Variants in HOOK2 observed in about 807,000 individuals in gnomAD.
HOOK2 encodes protein Hook homolog 2.
In HOOK2, 108 loss-of-function variants were observed where a neutral mutation model predicts 111.9. The ratio of observed to expected loss-of-function variants is 0.96; its 90% CI spans 0.83 to 1.13. The LOEUF is 1.13. Ranked by LOEUF, HOOK2 falls within the 50% of genes most tolerant of loss-of-function variation. The probability of loss-of-function intolerance (pLI) is 0.00; values close to 1 mark genes in which losing one functional copy is unlikely to be tolerated. For missense variants in HOOK2, 978 were observed against 951.3 expected (o/e 1.03, Z -0.37); for synonymous variants, 405 against 394.3 (o/e 1.03, Z -0.32).
chr19:12,777,747 C>G (rs1386297966), upstream of HOOK2, among the ~76,000 whole-genome samples: 9 of 152,250 alleles, frequency 5.9e-5, no homozygotes. Context: ...CCAGGGGGCG[C>G]GGAGACCGCA....
chr19:12,764,497 T>G, intron 20 of HOOK2: 1 of 265,242 alleles, frequency 3.8e-6, no homozygotes, highest in Non-Finnish European at 7.3e-6. Context: ...GCCCAGCTAA[T>G]TTTTGTATTT....
rs1568364543 is a variant in HOOK2, at chr19:12,768,131, C to T, written c.1105-8G>A. On this transcript the variant is annotated splice_polypyrimidine_tract_variant and splice_region_variant and intron_variant, in intron 11 of 22. Transcript: ENST00000397668. Reference sequence around the variant, plus strand: ...GCCCTGCAGTTCCTGCACCTGAACACAGAGAGGGGAGGAATAAGGACAGCA... The same window carrying T: ...GCCCTGCAGTTCCTGCACCTGAACATAGAGAGGGGAGGAATAAGGACAGCA... 2 of 1,612,298 alleles carry T rather than the reference C, an allele frequency of 1.2e-6. No individual in the cohort carries two copies. Among genetic ancestry groups the T allele is most frequent in the East Asian group, 4.5e-5 (2 of 44,878 alleles).
chr19:12,789,269 A>G, intron 3 of HOOK2, among the ~76,000 whole-genome samples: 1 of 151,890 alleles, frequency 6.6e-6, no homozygotes, highest in Non-Finnish European at 1.5e-5. Flanking sequence ...GGGTTCACAC[A>G]CTAACTGCTC....
At chr19:12,780,653 C>T (rs1389078247), upstream of HOOK2, among the ~76,000 whole-genome samples, 4 of 99,950 alleles carry the variant, frequency 4.0e-5, no homozygotes, top group African/African-American at 1.5e-4. Flanking sequence ...CCGCGCCCGG[C>T]CTTTTTTTTT....
intron 3 of HOOK2, among the ~76,000 whole-genome samples, chr19:12,773,450 T>C (rs1347228104): frequency 1.3e-5 from 2 of 152,150 alleles, no homozygotes; most frequent in East Asian, 1.9e-4. Context: ...TTTTGCTATG[T>C]AGCCCAGGCT....
At chr19:12,782,669 T>C (rs1326185294), upstream of HOOK2, among the ~76,000 whole-genome samples, 1 of 151,670 alleles carries the variant, frequency 6.6e-6, no homozygotes, top group Non-Finnish European at 1.5e-5. Context: ...GCGTGGGCGG[T>C]GGCGGGGGCT....
At chr19:12,783,547 C>T (rs994955233) in intron 3 of HOOK2, among the ~76,000 whole-genome samples, 5 of 151,864 alleles carry the variant, frequency 3.3e-5, no homozygotes, top group Non-Finnish European at 2.9e-5. Context: ...TACTCCACCC[C>T]ACATGTACCA....
At chr19:12,773,400 C>A in intron 3 of HOOK2, 1 of 258,102 alleles carries the variant, frequency 3.9e-6, no homozygotes, top group Non-Finnish European at 7.6e-6. Context: ...AGGCATATGC[C>A]ACCACAATCG....
intron 18 of HOOK2, 69 bp downstream of exon 18, chr19:12,765,621 T>G: frequency 6.3e-7 from 1 of 1,580,340 alleles, no homozygotes; most frequent in East Asian, 2.3e-5. Context: ...TGGTGGCACA[T>G]GCCTAAGAAA....
rs373413195 is a variant in HOOK2 at position 12,771,249 on chromosome 19, C to T, written c.671G>A (p.Arg224Gln). 5.1e-5 allele frequency: 82 copies of T among 1,608,462 alleles called. No homozygotes were observed. Among genetic ancestry groups the T allele is most frequent in the Admixed American group, 1.7e-4 (10 of 59,022 alleles). ...ACCTGGGGTACCCTCGCCTTCAGGC[C>T]GGCCCATCCGCTCCCGCAGCCCTGC... ...ENAGLRERMG[R>Q]PEGEGTPGLT... The change falls in exon 9 of 23, where the codon CGG (arginine) becomes CAG (glutamine). Residue 224 changes from arginine to glutamine, a missense_variant. Arg to Gln is a conservative substitution (Grantham distance 43, BLOSUM62 1). Around this residue, in one of 5 missense-constraint regions of HOOK2, gnomAD observed 301 missense variants for 286.1 expected, o/e 1.05. Transcript: ENST00000397668.
At chr19:12,772,294 A>G (rs1325708381) in intron 6 of HOOK2, 42 bp from the exon 7 acceptor site, 1 of 1,596,644 alleles carries the variant, frequency 6.3e-7, no homozygotes, top group Admixed American at 1.7e-5. Flanking sequence ...TGGATATCTG[A>G]GGCCAGCCTT....
Position 12,765,822 on chromosome 19 carries a change from T to C in HOOK2, c.1605+7A>G, listed in dbSNP as rs563552445. ...AGGGGGTGCCATCCTGGGCCCATGG[T>C]ACTTACAATGGCCTGTATGGGGCAT... On this transcript the variant is annotated splice_region_variant and intron_variant, in intron 17 of 22. Transcript: ENST00000397668. 2.3e-4 allele frequency: 379 copies of C among 1,612,974 alleles called. No individual in the cohort carries two copies. The highest frequency in any genetic ancestry group is 2.8e-4 in the Admixed American group (17 of 59,976).
Position 12,763,350 on chromosome 19 carries a change from T to C in HOOK2, c.2092A>G (p.Thr698Ala), listed in dbSNP as rs1023310826. 10 of 1,614,012 alleles carry C rather than the reference T, an allele frequency of 6.2e-6. No homozygotes were observed. The highest frequency in any genetic ancestry group is 8.5e-6 in the Non-Finnish European group (10 of 1,180,022). ...QSFLAQQRLA[T>A]NSRRGPLGRL... is the part of the protein sequence containing the mutation. ...CCCAAGGGTCCACGGCGAGAATTGG[T>C]TGCCAGCCGCTGCTGTGCCAGGAAT... The change falls in exon 23 of 23, where the codon ACC (threonine) becomes GCC (alanine). Residue 698 changes from threonine (T) to alanine (A), a missense_variant. By Grantham distance (58) the Thr-to-Ala change is moderately conservative (BLOSUM62 0). Around this residue, in one of 5 missense-constraint regions of HOOK2, gnomAD observed 277 missense variants for 265.8 expected, o/e 1.04. Transcript: ENST00000397668.
At chr19:12,778,992 G>A (rs1409588637), upstream of HOOK2, among the ~76,000 whole-genome samples, 1 of 152,154 alleles carries the variant, frequency 6.6e-6, no homozygotes, top group Non-Finnish European at 1.5e-5. Flanking sequence ...CAGCAAGAGG[G>A]GCTGAAAAAC....
upstream of HOOK2, among the ~76,000 whole-genome samples, chr19:12,782,439 C>G (rs943560864): frequency 4.6e-5 from 7 of 152,348 alleles, no homozygotes; most frequent in Non-Finnish European, 8.8e-5. Context: ...GTCAAAGTCA[C>G]AGAGGACAGC....
At chr19:12,780,081 C>CA (rs1968584160), upstream of HOOK2, among the ~76,000 whole-genome samples, 2 of 152,108 alleles carry the variant, frequency 1.3e-5, no homozygotes, top group Non-Finnish European at 2.9e-5. Flanking sequence ...ACCTGGGAGG[C>CA]AGAGATTGCA....
At chr19:12,778,958 G>T (rs910224004), upstream of HOOK2, among the ~76,000 whole-genome samples, 5 of 152,204 alleles carry the variant, frequency 3.3e-5, no homozygotes, top group African/African-American at 1.2e-4. Flanking sequence ...GCCCCGCTGT[G>T]CGGAGATCCA....
At chr19:12,768,963 A>AT (rs757287596) in intron 11 of HOOK2, among the ~76,000 whole-genome samples, 3,029 of 122,300 alleles carry the variant, frequency 0.025, 87 homozygotes, top group African/African-American at 0.065. Context: ...AGCCCGGCTA[A>AT]TTTTTTTTTT....
chr19:12,764,914 G>A lies in HOOK2; in HGVS notation c.1727C>T (p.Ala576Val), dbSNP rs770594907. Residue 576 changes from alanine to valine, a missense_variant, in exon 20 of 23, where the codon GCC becomes GTC. Coordinates refer to ENST00000397668, the MANE Select transcript of HOOK2 (RefSeq NM_013312.3). ...ELEPPTDSST[A>V]RRIEELQHNL... ...ATGCTGCAGCTCCTCGATCCGCCGG[G>A]CTGCTGGCGGAAGAGGTGGCCCATC... 1 of 1,614,148 alleles carries A rather than the reference G, an allele frequency of 6.2e-7. No individual in the cohort carries two copies. Among genetic ancestry groups the A allele is most frequent in the Non-Finnish European group, 8.5e-7 (1 of 1,180,024 alleles).
Sources: gnomAD v4.1 joint callset for allele counts (sites outside exome capture counted in the v4.1 genomes callset) on GRCh38, gnomAD v4.1.1 for gene constraint, gnomAD v4.1.1 regional missense constraint, MANE v1.5 for transcripts, NCBI Gene and HGNC (gene_info 2026-07-23, HGNC 2026-07-21) for gene names.